The following SNAPC3 variants were observed in gnomAD, a reference collection of about 807,000 sequenced individuals.
SNAPC3 encodes small nuclear RNA activating complex polypeptide 3, also known as snRNA-activating protein complex subunit 3.
A neutral mutation model predicts 47.7 loss-of-function variants in SNAPC3; 56 were observed. The observed-to-expected ratio is 1.18, with a 90% CI of 0.95 to 1.47. SNAPC3 has a LOEUF of 1.47. Ranked by LOEUF, SNAPC3 falls within the 40% of genes most tolerant of loss-of-function variation. SNAPC3 has a pLI of 0.00. For synonymous variants in SNAPC3, 235 were observed against 189.9 expected, an observed-to-expected ratio of 1.24 and a Z score of -1.95; for missense variants, 665 against 511.3, an observed-to-expected ratio of 1.30 and a Z score of -2.90.
At chr9:15,423,245 C>A (rs574973856) in intron 1 of SNAPC3, 52 bp downstream of exon 1, 2 of 1,488,224 alleles carry the variant, frequency 1.3e-6, no homozygotes, top group South Asian at 1.3e-5. Context: ...CAGGGTGCAG[C>A]CTTGCTCGTG....
intron 8 of SNAPC3, among the ~76,000 whole-genome samples, chr9:15,458,554 T>C (rs2034972770): frequency 6.6e-6 from 1 of 152,184 alleles, no homozygotes; most frequent in South Asian, 2.1e-4. Context: ...TAAAACTTCA[T>C]CAATAAAACC....
chr9:15,425,868 G>C (rs897609822), intron 2 of SNAPC3, among the ~76,000 whole-genome samples: 2 of 152,102 alleles, frequency 1.3e-5, no homozygotes, highest in Admixed American at 6.6e-5. Context: ...TTTTCATTTT[G>C]TTTTGTTTTT....
chr9:15,455,156 C>T (rs983040790), intron 7 of SNAPC3, among the ~76,000 whole-genome samples: 1 of 152,096 alleles, frequency 6.6e-6, no homozygotes, highest in African/African-American at 2.4e-5. Flanking sequence ...GAATGGAAAA[C>T]AATTGCCCCT....
intron 2 of SNAPC3, among the ~76,000 whole-genome samples, chr9:15,427,731 T>C (rs1488214484): frequency 6.6e-6 from 1 of 152,150 alleles, no homozygotes; most frequent in Non-Finnish European, 1.5e-5. Context: ...AAAGCACTGT[T>C]TACAGGTCCA....
chr9:15,465,548 GAT>G (rs763358937), downstream of SNAPC3: 1 of 1,584,278 alleles, frequency 6.3e-7, no homozygotes, highest in Non-Finnish European at 8.7e-7. Context: ...ATCCTTCAGA[GAT>G]ATTTCAGTCT....
At chr9:15,462,737 G>A (rs1004808443), downstream of SNAPC3, 2 of 152,208 alleles carry the variant, frequency 1.3e-5, no homozygotes, top group African/African-American at 4.8e-5. Context: ...TTTACTAGGA[G>A]AAAGGTCAGT....
chr9:15,439,407 AGGTG>A (rs2033122288), intron 3 of SNAPC3, among the ~76,000 whole-genome samples: 1 of 152,076 alleles, frequency 6.6e-6, no homozygotes, highest in Admixed American at 6.5e-5. Context: ...TTGTTTTTAG[AGGTG>A]GGTCTTGCTC....
At chr9:15,440,898 G>A (rs1489478230) in intron 3 of SNAPC3, among the ~76,000 whole-genome samples, 1 of 146,852 alleles carries the variant, frequency 6.8e-6, no homozygotes, top group African/African-American at 2.5e-5. Context: ...GCAGTGAGCC[G>A]AGATAGCGCC....
chr9:15,428,244 C>G (rs2031701812), intron 2 of SNAPC3, among the ~76,000 whole-genome samples: 1 of 151,686 alleles, frequency 6.6e-6, no homozygotes, highest in African/African-American at 2.4e-5. Flanking sequence ...CAAAAATGAG[C>G]AAGAGGAAAT....
chr9:15,454,678 CTG>C (rs1250174448), intron 7 of SNAPC3, among the ~76,000 whole-genome samples: 1 of 152,222 alleles, frequency 6.6e-6, no homozygotes, highest in African/African-American at 2.4e-5. Context: ...TGGCTCACGC[CTG>C]TAATCCCAGC....
chr9:15,452,737 C>T (rs2034485624), intron 6 of SNAPC3, among the ~76,000 whole-genome samples: 1 of 152,202 alleles, frequency 6.6e-6, no homozygotes, highest in Non-Finnish European at 1.5e-5. Context: ...AAATATTAAT[C>T]TCATTACATA....
chr9:15,445,335 C>T (rs1162323818), intron 4 of SNAPC3, among the ~76,000 whole-genome samples: 1 of 152,070 alleles, frequency 6.6e-6, no homozygotes, highest in Admixed American at 6.6e-5. Context: ...GGGATTTTTG[C>T]AGAATAGGTG....
downstream of SNAPC3, chr9:15,464,441 A>G (rs74366322): frequency 0.035 from 6,988 of 199,256 alleles, 507 homozygotes; most frequent in African/African-American, 0.15. Flanking sequence ...ACATACCCTT[A>G]AATTTTGTAA....
chr9:15,434,344 C>A (rs1239233752), intron 3 of SNAPC3, among the ~76,000 whole-genome samples: 1 of 151,784 alleles, frequency 6.6e-6, no homozygotes, highest in Non-Finnish European at 1.5e-5. Context: ...CCTTCTTTCT[C>A]TATGAATTTG....
At chr9:15,459,044 T>C (rs1250888526) in intron 8 of SNAPC3, among the ~76,000 whole-genome samples, 1 of 152,158 alleles carries the variant, frequency 6.6e-6, no homozygotes, top group Admixed American at 6.5e-5. Flanking sequence ...CTTCAGTTTG[T>C]TTTCGCCACC....
intron 2 of SNAPC3, among the ~76,000 whole-genome samples, chr9:15,427,968 G>T (rs1294414015): frequency 6.6e-6 from 1 of 152,034 alleles, no homozygotes; most frequent in Admixed American, 6.5e-5. Flanking sequence ...AACATTAGCT[G>T]GGCGTGGTGG....
chr9:15,429,438 G>A (rs757291645), intron 2 of SNAPC3, among the ~76,000 whole-genome samples: 4 of 152,174 alleles, frequency 2.6e-5, no homozygotes, highest in Non-Finnish European at 5.9e-5. Flanking sequence ...TTGTGTAACC[G>A]TTGGGTATTG....
At chr9:15,457,461 G>T (rs1300657591) in intron 7 of SNAPC3, among the ~76,000 whole-genome samples, 1 of 152,084 alleles carries the variant, frequency 6.6e-6, no homozygotes, top group African/African-American at 2.4e-5. Flanking sequence ...TGGGTGTGGT[G>T]GTGCATGCTT....
At chr9:15,442,933 C>T (rs1290355471) in intron 3 of SNAPC3, among the ~76,000 whole-genome samples, 1 of 152,230 alleles carries the variant, frequency 6.6e-6, no homozygotes, top group Non-Finnish European at 1.5e-5. Context: ...CCTCGGGAGG[C>T]TGAGGCTGGC....
Sources: gnomAD v4.1 joint callset for allele counts (sites outside exome capture counted in the v4.1 genomes callset) on GRCh38, gnomAD v4.1.1 for gene constraint, MANE v1.5 for transcripts, NCBI Gene and HGNC (gene_info 2026-07-23, HGNC 2026-07-21) for gene names.